Variants in PLD5 observed in about 807,000 individuals in gnomAD.
The protein encoded by PLD5 is inactive phospholipase D5.
PLD5 carries 36 observed loss-of-function variants against 61.1 expected under a neutral mutation model. The observed-to-expected ratio is 0.59, with a 90% CI of 0.45 to 0.78. PLD5 has a LOEUF of 0.78. Ranked by LOEUF, PLD5 falls within the 30% of genes least tolerant of loss-of-function variation. The pLI is 0.00. For synonymous variants in PLD5, 243 were observed against 242.8 expected (o/e 1.00, Z -0.01); for missense variants, 515 against 644.4 (o/e 0.80, Z 2.17).
At chr1:242,330,086 T>C (rs1245694240) in intron 2 of PLD5, among the ~76,000 whole-genome samples, 4 of 152,164 alleles carry the variant, frequency 2.6e-5, no homozygotes, top group Non-Finnish European at 4.4e-5. Flanking sequence ...TTGAATTAGA[T>C]TGAAACCTAA....
At chr1:242,183,977 T>C (rs954727529) in intron 5 of PLD5, among the ~76,000 whole-genome samples, 4 of 70,934 alleles carry the variant, frequency 5.6e-5, no homozygotes, top group Admixed American at 3.8e-4. Flanking sequence ...GACTTCATAT[T>C]TATTTATATC....
chr1:242,130,014 A>C (rs1663106841), intron 5 of PLD5, among the ~76,000 whole-genome samples: 1 of 151,462 alleles, frequency 6.6e-6, no homozygotes, highest in Non-Finnish European at 1.5e-5. Flanking sequence ...TTGTGTATAT[A>C]TACCACATTT....
intron 9 of PLD5, among the ~76,000 whole-genome samples, chr1:242,091,161 C>T (rs900317001): frequency 6.6e-6 from 1 of 152,188 alleles, no homozygotes; most frequent in African/African-American, 2.4e-5. Flanking sequence ...AGGGGCCACA[C>T]TAATGATCTC....
chr1:242,155,075 A>T (rs971415281), intron 5 of PLD5, among the ~76,000 whole-genome samples: 1 of 152,064 alleles, frequency 6.6e-6, no homozygotes, highest in Middle Eastern at 3.2e-3. Flanking sequence ...TAGACTTGGG[A>T]GGGTGTATGT....
chr1:242,523,568 A>G (rs562744300), intron 1 of PLD5, among the ~76,000 whole-genome samples: 2 of 152,248 alleles, frequency 1.3e-5, no homozygotes, highest in East Asian at 1.9e-4. Flanking sequence ...AGGATCACCA[A>G]CTGCTCATCC....
At chr1:242,135,261 G>T (rs1009976784) in intron 5 of PLD5, among the ~76,000 whole-genome samples, 1 of 152,106 alleles carries the variant, frequency 6.6e-6, no homozygotes, top group African/African-American at 2.4e-5. Flanking sequence ...TATCTGCTAT[G>T]TAGAGTAACA....
intron 5 of PLD5, among the ~76,000 whole-genome samples, chr1:242,152,395 G>T (rs896649077): frequency 2.6e-5 from 4 of 152,044 alleles, no homozygotes; most frequent in African/African-American, 9.7e-5. Flanking sequence ...TGGGATACAT[G>T]TACAGAATGT....
chr1:242,102,171 T>C (rs2148671421), intron 8 of PLD5, among the ~76,000 whole-genome samples: 1 of 152,350 alleles, frequency 6.6e-6, no homozygotes. Context: ...GGACATAATA[T>C]CACAACACGT....
At chr1:242,171,742 A>C (rs906939869) in intron 5 of PLD5, among the ~76,000 whole-genome samples, 1 of 151,878 alleles carries the variant, frequency 6.6e-6, no homozygotes, top group African/African-American at 2.4e-5. Flanking sequence ...CAGGAGTTGC[A>C]ATCCTAATCT....
intron 5 of PLD5, among the ~76,000 whole-genome samples, chr1:242,132,574 T>C (rs909379820): frequency 6.6e-6 from 1 of 152,174 alleles, no homozygotes; most frequent in Non-Finnish European, 1.5e-5. Context: ...ATTTAATTAC[T>C]AGGAGCTCTA....
At chr1:242,412,241 T>G (rs1160251784) in intron 1 of PLD5, among the ~76,000 whole-genome samples, 2 of 152,156 alleles carry the variant, frequency 1.3e-5, no homozygotes, top group Non-Finnish European at 2.9e-5. Context: ...CATAATGAGG[T>G]GTGTCCCACC....
At chr1:242,232,791 T>G (rs1345951922) in intron 4 of PLD5, among the ~76,000 whole-genome samples, 1 of 152,112 alleles carries the variant, frequency 6.6e-6, no homozygotes, top group Non-Finnish European at 1.5e-5. Context: ...TGCAGTGAGC[T>G]AAGATCATGC....
At chr1:242,265,313 A>G in intron 4 of PLD5, 24 bp downstream of exon 4, 1 of 1,596,600 alleles carries the variant, frequency 6.3e-7, no homozygotes, top group Non-Finnish European at 8.5e-7. Context: ...CAGCGGTAGA[A>G]TAGCATATCA....
At chr1:242,096,775 G>C (rs1660272272) in intron 9 of PLD5, among the ~76,000 whole-genome samples, 1 of 149,878 alleles carries the variant, frequency 6.7e-6, no homozygotes, top group Non-Finnish European at 1.5e-5. Flanking sequence ...TTAAGTTTTA[G>C]GGTACATGTG....
At chr1:242,171,758 A>AAAAC (rs1211981163) in intron 5 of PLD5, among the ~76,000 whole-genome samples, 2 of 152,122 alleles carry the variant, frequency 1.3e-5, no homozygotes, top group Non-Finnish European at 2.9e-5. Context: ...AATCTCTAAT[A>AAAAC]AAACAGACTT....
At chr1:242,417,773 C>CG (rs1664910811) in intron 1 of PLD5, among the ~76,000 whole-genome samples, 1 of 151,994 alleles carries the variant, frequency 6.6e-6, no homozygotes, top group African/African-American at 2.4e-5. Flanking sequence ...GAGGCCAGTA[C>CG]GGGGGATGGT....
intron 2 of PLD5, among the ~76,000 whole-genome samples, chr1:242,311,476 C>T (rs1428814977): frequency 6.6e-6 from 1 of 152,154 alleles, no homozygotes; most frequent in Non-Finnish European, 1.5e-5. Context: ...GCCCAGGGAC[C>T]ACACTTTGAG....
chr1:242,391,020 T>C (rs139004686), intron 1 of PLD5, among the ~76,000 whole-genome samples: 2,119 of 151,960 alleles, frequency 0.014, 35 homozygotes, highest in Non-Finnish European at 0.021. Context: ...TGAAACCCTG[T>C]CTCTACTAAA....
chr1:242,503,517 C>A (rs924662142), intron 1 of PLD5, among the ~76,000 whole-genome samples: 3 of 152,178 alleles, frequency 2.0e-5, no homozygotes, highest in Non-Finnish European at 4.4e-5. Flanking sequence ...CAAAAATGAT[C>A]TAACAACACC....
Sources: gnomAD v4.1 joint callset for allele counts (sites outside exome capture counted in the v4.1 genomes callset) on GRCh38, gnomAD v4.1.1 for gene constraint, MANE v1.5 for transcripts, NCBI Gene and HGNC (gene_info 2026-07-23, HGNC 2026-07-21) for gene names.